Variants in SCD5 observed in about 807,000 individuals in gnomAD.
SCD5 encodes stearoyl-CoA desaturase 5.
A neutral mutation model predicts 30.4 loss-of-function variants in SCD5; 20 were observed. The observed-to-expected ratio is 0.66, with a 90% confidence interval of 0.46 to 0.96. The LOEUF (loss-of-function observed/expected upper bound fraction) is 0.96. Ranked by LOEUF, SCD5 falls within the 40% of genes least tolerant of loss-of-function variation. The pLI is 0.00. For synonymous variants in SCD5, 173 were observed against 176.4 expected, an observed-to-expected ratio of 0.98 and a Z score of 0.16; for missense variants, 381 against 443.3, an observed-to-expected ratio of 0.86 and a Z score of 1.26.
intron 1 of SCD5, among the ~76,000 whole-genome samples, chr4:82,715,136 C>T (rs1720198709): frequency 6.6e-6 from 1 of 151,098 alleles, no homozygotes; most frequent in Admixed American, 6.6e-5. Flanking sequence ...ACTTGGGAGG[C>T]TGAGGCACGA....
chr4:82,735,378 T>C (rs918768475), intron 1 of SCD5, among the ~76,000 whole-genome samples: 5 of 152,186 alleles, frequency 3.3e-5, no homozygotes, highest in African/African-American at 9.6e-5. Flanking sequence ...TGTCCAAGGT[T>C]GGGTACCACC....
intron 2 of SCD5, among the ~76,000 whole-genome samples, chr4:82,695,067 A>G (rs932567540): frequency 7.4e-6 from 1 of 134,962 alleles, no homozygotes; most frequent in African/African-American, 3.2e-5. Flanking sequence ...AGCCATGTGG[A>G]GCACTCAGCC....
intron 1 of SCD5, among the ~76,000 whole-genome samples, chr4:82,786,537 T>C (rs1721991402): frequency 6.6e-6 from 1 of 152,170 alleles, no homozygotes; most frequent in Admixed American, 6.5e-5. Flanking sequence ...CAGTGGCTCA[T>C]GCTTGTAATG....
chr4:82,670,364 A>G (rs987869366), intron 3 of SCD5, among the ~76,000 whole-genome samples: 15 of 152,342 alleles, frequency 9.8e-5, no homozygotes, highest in African/African-American at 3.4e-4. Flanking sequence ...ATGCTGTAAC[A>G]GAAGTGAAAA....
rs1009456995 is a variant in SCD5 at position 82,685,502 on chromosome 4, C to T, written c.364-4590G>A. ...CCGAGGTGGGCGAACCACCTGAGGA[C>T]GGGAGTTCGAGACCAGCCTGGCCAA... On this transcript the variant is annotated intron_variant, in intron 2 of 4. Coordinates refer to ENST00000319540, the MANE Select transcript of SCD5 (RefSeq NM_001037582.3). Among the ~76,000 whole-genome samples, 62 of 152,082 alleles carry T rather than the reference C, an allele frequency of 4.1e-4. 1 individual carries two copies. Among genetic ancestry groups the T allele is most frequent in the African/African-American group, 1.3e-3 (55 of 41,482 alleles).
chr4:82,798,099 G>T (rs1578073212), intron 1 of SCD5, among the ~76,000 whole-genome samples: 1 of 149,988 alleles, frequency 6.7e-6, no homozygotes, highest in African/African-American at 2.5e-5. Context: ...GGGGGGGGCG[G>T]AAGTTGAAAT....
chr4:82,658,805 T>C (rs1363099828), intron 3 of SCD5, among the ~76,000 whole-genome samples: 2 of 112,326 alleles, frequency 1.8e-5, no homozygotes, highest in African/African-American at 7.4e-5. Flanking sequence ...CTTTTTTTTG[T>C]TGTGTCTCTG....
intron 1 of SCD5, among the ~76,000 whole-genome samples, chr4:82,708,587 C>T (rs182755975): frequency 2.6e-5 from 4 of 152,314 alleles, no homozygotes; most frequent in Admixed American, 2.6e-4. Context: ...ATCTAGCAGC[C>T]AGGGATGGGA....
chr4:82,681,407 G>A (rs1376012016), intron 2 of SCD5, among the ~76,000 whole-genome samples: 1 of 152,106 alleles, frequency 6.6e-6, no homozygotes, highest in African/African-American at 2.4e-5. Flanking sequence ...TTTTATAATA[G>A]AATGATTTAT....
chr4:82,768,317 T>C (rs1016838527), intron 1 of SCD5, among the ~76,000 whole-genome samples: 1 of 152,158 alleles, frequency 6.6e-6, no homozygotes, highest in Non-Finnish European at 1.5e-5. Context: ...ACAGGAGTGA[T>C]CTGATAAATT....
chr4:82,659,610 G>A (rs950045238), intron 3 of SCD5, among the ~76,000 whole-genome samples: 3 of 152,168 alleles, frequency 2.0e-5, no homozygotes, highest in African/African-American at 4.8e-5. Context: ...TTCAGGAGCA[G>A]GTTGTTCAGT....
chr4:82,694,930 G>C (rs1208436065), intron 2 of SCD5, among the ~76,000 whole-genome samples: 2 of 152,128 alleles, frequency 1.3e-5, no homozygotes, highest in Non-Finnish European at 2.9e-5. Context: ...TGTTGTTCTA[G>C]TGAATTATCA....
At chr4:82,798,221 A>C in intron 1 of SCD5, 85 bp downstream of exon 1, 1 of 1,182,658 alleles carries the variant, frequency 8.5e-7, no homozygotes, top group Non-Finnish European at 1.1e-6. Context: ...CACCGCCCGC[A>C]GCCGAGGGGC....
chr4:82,793,341 G>T (rs1722138806), intron 1 of SCD5, among the ~76,000 whole-genome samples: 1 of 152,146 alleles, frequency 6.6e-6, no homozygotes, highest in South Asian at 2.1e-4. Flanking sequence ...CAGCTGAGTT[G>T]TCAGCTGAAC....
At chr4:82,787,942 T>C (rs1182044272) in intron 1 of SCD5, among the ~76,000 whole-genome samples, 2 of 152,062 alleles carry the variant, frequency 1.3e-5, no homozygotes, top group African/African-American at 4.8e-5. Flanking sequence ...GAGGCTGGGG[T>C]AGAAGGATCC....
Position 82,665,994 on chromosome 4 carries a change from T to C in SCD5, c.569+14713A>G, listed in dbSNP as rs570700442. Among the ~76,000 whole-genome samples, 12 of 152,298 alleles carry C rather than the reference T, an allele frequency of 7.9e-5. No individual in the cohort carries two copies. The South Asian group carries it at 2.3e-3, about 29-fold the overall frequency. On this transcript the variant is annotated intron_variant, in intron 3 of 4. Coordinates refer to ENST00000319540, the MANE Select transcript of SCD5 (RefSeq NM_001037582.3). ...TTTAAAAATTTTTCTACAATGAACC[T>C]ATATTACATTTTATGCTAAAAAGTG...
chr4:82,647,145 C>A (rs1291750259), intron 3 of SCD5, among the ~76,000 whole-genome samples: 3 of 151,980 alleles, frequency 2.0e-5, no homozygotes, highest in Non-Finnish European at 4.4e-5. Flanking sequence ...TTTTTGGTAG[C>A]AAAAATTGTA....
intron 2 of SCD5, among the ~76,000 whole-genome samples, chr4:82,681,630 G>C (rs1728574426): frequency 6.6e-6 from 1 of 152,150 alleles, no homozygotes; most frequent in Admixed American, 6.5e-5. Context: ...GGCTATCAAG[G>C]GTGGAGGGTG....
At chr4:82,653,190 T>C (rs1251154868) in intron 3 of SCD5, among the ~76,000 whole-genome samples, 1 of 152,154 alleles carries the variant, frequency 6.6e-6, no homozygotes, top group Non-Finnish European at 1.5e-5. Flanking sequence ...CTCAAGTTAA[T>C]TATCCCTTCT....
Sources: allele counts gnomAD v4.1 joint callset (sites outside exome capture counted in the v4.1 genomes callset), GRCh38; gene constraint gnomAD v4.1.1; transcripts MANE v1.5; gene names NCBI Gene and HGNC (gene_info 2026-07-23, HGNC 2026-07-21).